The following AGMO variants were observed in gnomAD, a reference collection of about 807,000 sequenced individuals.
The protein encoded by AGMO is alkylglycerol monooxygenase, also known as glyceryl-ether monooxygenase.
Under a neutral mutation model 60.2 loss-of-function variants are expected in AGMO, and 75 were observed. The ratio of observed to expected loss-of-function variants is 1.25; its 90% confidence interval spans 1.03 to 1.51. AGMO has a LOEUF of 1.51. Ranked by LOEUF, AGMO falls within the 40% of genes most tolerant of loss-of-function variation. The pLI is 0.00. For synonymous variants in AGMO, 261 were observed against 177.1 expected, an observed-to-expected ratio of 1.47 and a Z score of -3.76; for missense variants, 763 against 525.5, an observed-to-expected ratio of 1.45 and a Z score of -4.42.
In AGMO at chr7:15,502,559, C is replaced by T. The variant is rs533727605; in HGVS notation, c.409+42213G>A. 3.3e-5 allele frequency among the ~76,000 whole-genome samples: 5 copies of T among 151,954 alleles called. No homozygotes were observed. The East Asian group carries it at 9.7e-4, about 30-fold the overall frequency. On this transcript the variant is annotated intron_variant, in intron 3 of 12. Coordinates refer to ENST00000342526, the MANE Select transcript of AGMO (RefSeq NM_001004320.2). ...TATCCTGTGTTGGCTCCTCATAAAG[C>T]TCCCTCTCACCTCTTCTCCTGGATT...
intron 12 of AGMO, among the ~76,000 whole-genome samples, chr7:15,342,874 C>A (rs1781909440): frequency 6.7e-6 from 1 of 150,200 alleles, no homozygotes; most frequent in Non-Finnish European, 1.5e-5. Context: ...TTCTCTGGGC[C>A]TCAATATCCT....
chr7:15,380,098 C>T (rs1783614124), intron 10 of AGMO, among the ~76,000 whole-genome samples: 1 of 152,104 alleles, frequency 6.6e-6, no homozygotes, highest in South Asian at 2.1e-4. Flanking sequence ...GAAACCAGCA[C>T]AAGACAAGTA....
chr7:15,493,604 T>C (rs1783136175), intron 3 of AGMO, among the ~76,000 whole-genome samples: 1 of 151,886 alleles, frequency 6.6e-6, no homozygotes, highest in East Asian at 1.9e-4. Flanking sequence ...CTCGATCTCC[T>C]GACCTCGTGA....
the AGMO span, among the ~76,000 whole-genome samples, chr7:15,139,840 A>G: frequency 1.3e-5 from 2 of 149,284 alleles, no homozygotes; most frequent in South Asian, 4.2e-4. Flanking sequence ...AAAAAAAAAG[A>G]ATAATACAGT....
chr7:15,278,699 A>C (rs28516925), intron 12 of AGMO, among the ~76,000 whole-genome samples: 4,804 of 152,250 alleles, frequency 0.032, 249 homozygotes, highest in African/African-American at 0.11. Context: ...TTCGCTGTCC[A>C]GAACATGCAA....
rs541430319 is a variant in AGMO at position 15,412,292 on chromosome 7, T to C, written c.609+6266A>G. Among the ~76,000 whole-genome samples the C allele has an allele frequency of 2.6e-5, 4 of 152,198 alleles. No homozygotes were observed. The South Asian group carries it at 8.3e-4, about 32-fold the overall frequency. The stretch of plus-strand genomic sequence containing the variant: ...ACTAATTGGGGCAGTTATTTGAGTA[T>C]AGAGTGTTGCTGAGAAGAATTTGTT... On this transcript the variant is annotated intron_variant, in intron 5 of 12. Transcript: ENST00000342526.
At chr7:15,204,679 C>G (rs1781394935) in intron 12 of AGMO, among the ~76,000 whole-genome samples, 1 of 152,146 alleles carries the variant, frequency 6.6e-6, no homozygotes, top group Admixed American at 6.6e-5. Flanking sequence ...CTTGACTTCC[C>G]AGGAACCTCA....
chr7:15,477,688 A>C (rs1279468726), intron 3 of AGMO, among the ~76,000 whole-genome samples: 2 of 152,148 alleles, frequency 1.3e-5, no homozygotes, highest in Admixed American at 6.6e-5. Flanking sequence ...ATTTGTTACC[A>C]TTAGTTACCT....
intron 10 of AGMO, among the ~76,000 whole-genome samples, chr7:15,383,149 A>G (rs984016340): frequency 3.9e-5 from 6 of 152,104 alleles, no homozygotes; most frequent in African/African-American, 1.4e-4. Context: ...CCACAACATC[A>G]GGCTCAATTT....
Position 15,517,333 on chromosome 7 carries a change from G to A in AGMO, c.409+27439C>T, listed in dbSNP as rs183709730. On this transcript the variant is annotated intron_variant, in intron 3 of 12. Coordinates refer to ENST00000342526, the MANE Select transcript of AGMO (RefSeq NM_001004320.2). ...GTGTGGGGTGTGTGTGTGTGTGTGT[G>A]TATATACTTATTTTTTTATTAAGGC... 6.3e-3 allele frequency among the ~76,000 whole-genome samples: 955 copies of A among 151,280 alleles called. 11 individuals carry two copies. The highest frequency in any genetic ancestry group is 8.1e-3 in the Admixed American group (123 of 15,156).
At chr7:15,160,031 T>C in the AGMO span, among the ~76,000 whole-genome samples, 3 of 152,210 alleles carry the variant, frequency 2.0e-5, no homozygotes, top group Admixed American at 2.0e-4. Flanking sequence ...AATGCTAATA[T>C]ATCACTTTTG....
At chr7:15,323,794 G>A (rs1265885466) in intron 12 of AGMO, among the ~76,000 whole-genome samples, 1 of 152,130 alleles carries the variant, frequency 6.6e-6, no homozygotes, top group Non-Finnish European at 1.5e-5. Flanking sequence ...ATGATTTCAT[G>A]ACTTTCTAAT....
chr7:15,396,333 C>G (rs901968060), intron 5 of AGMO: 2 of 152,206 alleles, frequency 1.3e-5, no homozygotes, highest in Non-Finnish European at 2.9e-5. Context: ...CCTGGTCTCG[C>G]TGGCTTCAGG....
intron 2 of AGMO, among the ~76,000 whole-genome samples, chr7:15,547,605 G>T (rs56715148): frequency 0.24 from 36,309 of 151,944 alleles, 5,070 homozygotes; most frequent in African/African-American, 0.39. Flanking sequence ...TGCGCTTTTC[G>T]GACCGGCTTA....
chr7:15,485,989 T>G (rs1175105186), intron 3 of AGMO, among the ~76,000 whole-genome samples: 1 of 152,096 alleles, frequency 6.6e-6, no homozygotes, highest in African/African-American at 2.4e-5. Flanking sequence ...ATTTCTGTGT[T>G]TTGGATTAAG....
intron 12 of AGMO, among the ~76,000 whole-genome samples, chr7:15,350,564 CAG>C (rs1293335355): frequency 6.6e-5 from 10 of 152,150 alleles, no homozygotes; most frequent in African/African-American, 9.6e-5. Context: ...CATTGAGAGT[CAG>C]AGAGAGTAGA....
chr7:15,229,399 A>G (rs1445797678), intron 12 of AGMO, among the ~76,000 whole-genome samples: 2 of 151,800 alleles, frequency 1.3e-5, no homozygotes, highest in Non-Finnish European at 2.9e-5. Context: ...AAGATAAAAT[A>G]AAATAAAATA....
At chr7:15,195,499 A>C (rs975141548), downstream of AGMO, among the ~76,000 whole-genome samples, 3 of 152,076 alleles carry the variant, frequency 2.0e-5, no homozygotes, top group South Asian at 2.1e-4. Context: ...ACTCCACCCT[A>C]ATCTTTTTAT....
At chr7:15,472,290 T>C (rs1051072398) in intron 3 of AGMO, among the ~76,000 whole-genome samples, 8 of 151,980 alleles carry the variant, frequency 5.3e-5, no homozygotes, top group Middle Eastern at 3.4e-3. Context: ...ATTCATTGAG[T>C]AGAAAGAATA....
Sources: gnomAD v4.1 joint callset for allele counts (sites outside exome capture counted in the v4.1 genomes callset) on GRCh38, gnomAD v4.1.1 for gene constraint, MANE v1.5 for transcripts, NCBI Gene and HGNC (gene_info 2026-07-23, HGNC 2026-07-21) for gene names.